Variants in POU4F1 observed in about 807,000 individuals in gnomAD.
POU4F1 encodes POU class 4 homeobox 1, also known as POU domain, class 4, transcription factor 1.
Under a neutral mutation model 19.8 loss-of-function variants are expected in POU4F1, and 5 were observed. The observed-to-expected ratio is 0.25, with a 90% confidence interval of 0.13 to 0.53. POU4F1 has a LOEUF of 0.53. Among genes scored for constraint, POU4F1 ranks in the 20% least tolerant of loss-of-function variants. The pLI, the probability that POU4F1 is intolerant of heterozygous loss-of-function variation, is 0.96. For missense variants in POU4F1, 408 were observed against 511.6 expected (o/e 0.80, Z 1.95); for synonymous variants, 266 against 247.7 (o/e 1.07, Z -0.69).
rs1048159767 is a variant in POU4F1, at chr13:78,599,716, T to G, written c.*1699A>C. 3 of 152,528 alleles carry G rather than the reference T, an allele frequency of 2.0e-5. No homozygotes were observed. The highest frequency in any genetic ancestry group is 7.2e-5 in the African/African-American group (3 of 41,472). 9.4% of individuals were successfully genotyped at this position (152,528 alleles called of 1,614,324 possible). ...GTTTTTTTTCTTTTCTCATTTGTTC[T>G]GTTTTCAATGTTTTAGTTATGATTA... is the stretch of plus-strand genomic sequence containing the variant. On this transcript the variant is annotated 3_prime_UTR_variant, in exon 2 of 2. Coordinates refer to ENST00000377208, the MANE Select transcript of POU4F1 (RefSeq NM_006237.4).
In POU4F1 at chr13:78,598,371, A is replaced by C. The variant is rs1874571217; in HGVS notation, c.*3044T>G. ...TTCTATAAAATAACGGTTTTTTTAC[A>C]AATGCATTTTATTTAAAACTGATGA... On this transcript the variant is annotated 3_prime_UTR_variant, in exon 2 of 2. Coordinates refer to ENST00000377208, the MANE Select transcript of POU4F1 (RefSeq NM_006237.4). The C allele has an allele frequency of 1.3e-5, 2 of 152,186 alleles. No homozygotes were observed. The highest frequency in any genetic ancestry group is 4.1e-4 in the South Asian group (2 of 4,836). 9.4% of individuals were successfully genotyped at this position (152,186 alleles called of 1,614,324 possible). A position where few individuals can be genotyped will look rare whatever the true frequency, so the allele number is the denominator to read the frequency against.
chr13:78,601,305 C>A lies in POU4F1; in HGVS notation c.*110G>T, dbSNP rs1874685617. 2 of 1,501,394 alleles carry A rather than the reference C, an allele frequency of 1.3e-6. No homozygotes were observed. Among genetic ancestry groups the A allele is most frequent in the Admixed American group, 2.1e-5 (1 of 47,508 alleles). The allele number at this position is 1,501,394 out of a possible 1,614,324, so 93.0% of individuals were successfully genotyped here. On this transcript the variant is annotated 3_prime_UTR_variant, in exon 2 of 2. Transcript: ENST00000377208. ...AGAGCGAGAAGGGACTCCCCAAATGCAGGCAGGATAACGGACACTCCAAAT... is the reference window on the plus strand; with the variant it reads ...AGAGCGAGAAGGGACTCCCCAAATGAAGGCAGGATAACGGACACTCCAAAT...
rs1029307974 is a variant in POU4F1 at position 78,601,069 on chromosome 13, T to C, written c.*346A>G. The C allele has an allele frequency of 3.1e-6, 1 of 325,024 alleles. No individual in the cohort carries two copies. The highest frequency in any genetic ancestry group is 5.7e-6 in the Non-Finnish European group (1 of 175,178). 20.1% of individuals were successfully genotyped at this position (325,024 alleles called of 1,614,324 possible). On this transcript the variant is annotated 3_prime_UTR_variant, in exon 2 of 2. Transcript: ENST00000377208. ...TCAGAAACAGTCCATTTTCCTACCC[T>C]TCCCGCGTCTCCCCCCACCCAAACC...
chr13:78,602,655 G>A, intron 1 of POU4F1, 104 bp from the exon 2 acceptor site: 1 of 1,261,276 alleles, frequency 7.9e-7, no homozygotes, highest in African/African-American at 1.6e-5. Context: ...GCATGCGAAG[G>A]GCAAACACAA....
chr13:78,602,902 G>A (rs890078915), intron 1 of POU4F1, among the ~76,000 whole-genome samples: 4 of 152,212 alleles, frequency 2.6e-5, no homozygotes, highest in Non-Finnish European at 5.9e-5. Context: ...TCACACACCC[G>A]AGCACGCACA....
At position 78,600,279 on chromosome 13, in the gene POU4F1, A is replaced by T; in HGVS notation, c.*1136T>A. 1 of 152,176 alleles carries T rather than the reference A, an allele frequency of 6.6e-6. No individual in the cohort carries two copies. The highest frequency in any genetic ancestry group is 1.9e-4 in the East Asian group (1 of 5,192). 9.4% of individuals were successfully genotyped at this position (152,176 alleles called of 1,614,324 possible). ...TTCACCCCATTAGTCTATTTGAATC[A>T]ACAGGAAAAATCAGTAGTTTAAACC... On this transcript the variant is annotated 3_prime_UTR_variant, in exon 2 of 2. Transcript: ENST00000377208.
Position 78,601,108 on chromosome 13 carries a change from G to T in POU4F1, c.*307C>A. The T allele has an allele frequency of 2.5e-6, 1 of 398,142 alleles. No homozygotes were observed. Among genetic ancestry groups the T allele is most frequent in the Non-Finnish European group, 4.6e-6 (1 of 218,798 alleles). The allele number at this position is 398,142 out of a possible 1,614,324, so 24.7% of individuals were successfully genotyped here. A position where few individuals can be genotyped will look rare whatever the true frequency, so the allele number is the denominator to read the frequency against. On this transcript the variant is annotated 3_prime_UTR_variant, in exon 2 of 2. Transcript: ENST00000377208. ...CCCACCCAAACCCCAGAACCATCCT[G>T]CTCCTTAAAACCCCTGCTCGGGTCT...
In POU4F1 at chr13:78,600,741, G is replaced by C. The variant is rs1874657920; in HGVS notation, c.*674C>G. On this transcript the variant is annotated 3_prime_UTR_variant, in exon 2 of 2. Coordinates refer to ENST00000377208, the MANE Select transcript of POU4F1 (RefSeq NM_006237.4). ...GAGGGAAAAATTAAACACGCAGACA[G>C]AACAACTAGCTTTGATACCCAGAAC... The C allele has an allele frequency of 6.5e-6, 1 of 152,798 alleles. No homozygotes were observed. Among genetic ancestry groups the C allele is most frequent in the African/African-American group, 2.4e-5 (1 of 41,448 alleles). 9.5% of individuals were successfully genotyped at this position (152,798 alleles called of 1,614,324 possible).
chr13:78,601,323 C>T lies in POU4F1; in HGVS notation c.*92G>A. ...CCAAATGCAGGCAGGATAACGGACA[C>T]TCCAAATCCGAGGGGAGGCAAGCAG... On this transcript the variant is annotated 3_prime_UTR_variant, in exon 2 of 2. Transcript: ENST00000377208. The T allele has an allele frequency of 6.4e-7, 1 of 1,564,812 alleles. No homozygotes were observed. Among genetic ancestry groups the T allele is most frequent in the Non-Finnish European group, 8.6e-7 (1 of 1,158,894 alleles).
chr13:78,602,061 G>T lies in POU4F1; in HGVS notation c.614C>A (p.Ala205Glu), dbSNP rs1327785720. The change falls in exon 2 of 2, where the codon GCG becomes GAG. Residue 205 changes from alanine to glutamate, a missense_variant. Ala to Glu is a moderately radical substitution (Grantham distance 107). Around this residue, in one of 4 missense-constraint regions of POU4F1, gnomAD observed 294 missense variants for 288.2 expected, o/e 1.02. Coordinates refer to ENST00000377208, the MANE Select transcript of POU4F1 (RefSeq NM_006237.4). ...SLGHLSHPAA[A>E]AAMNMPSGLP... Reference sequence around the variant, plus strand: ...CCCGGACGGCATGTTCATGGCGGCCGCCGCCGCGGGGTGCGACAGGTGGCC... The same window carrying T: ...CCCGGACGGCATGTTCATGGCGGCCTCCGCCGCGGGGTGCGACAGGTGGCC... The T allele has an allele frequency of 2.3e-6, 1 of 429,486 alleles. No homozygotes were observed. The highest frequency in any genetic ancestry group is 3.1e-6 in the Non-Finnish European group (1 of 323,732). The allele number at this position is 429,486 out of a possible 1,614,324, so 26.6% of individuals were successfully genotyped here. A position where few individuals can be genotyped will look rare whatever the true frequency, so the allele number is the denominator to read the frequency against.
Position 78,601,211 on chromosome 13 carries a change from C to A in POU4F1, c.*204G>T. The A allele has an allele frequency of 1.2e-6, 1 of 828,520 alleles. No homozygotes were observed. The allele number at this position is 828,520 out of a possible 1,614,324, so 51.3% of individuals were successfully genotyped here. ...CCTACCCTATACTCCAATCCCCACA[C>A]CCAGCACCCCAGTCCTCAAGGCTAG... On this transcript the variant is annotated 3_prime_UTR_variant, in exon 2 of 2. Coordinates refer to ENST00000377208, the MANE Select transcript of POU4F1 (RefSeq NM_006237.4).
At position 78,603,311 on chromosome 13, in the gene POU4F1, T is replaced by A; in HGVS notation, c.16A>T (p.Ser6Cys). ...TGCATGGCAAAGTGAGGCTGCTTGCTGTTCATGGACATCATCGTGGCGGCT... is the reference window on the plus strand; with the variant it reads ...TGCATGGCAAAGTGAGGCTGCTTGCAGTTCATGGACATCATCGTGGCGGCT... MMSMN[S>C]KQPHFAMHPT... Residue 6 changes from serine (S) to cysteine (C), a missense_variant, in exon 1 of 2, where the codon AGC (serine) becomes TGC (cysteine). This residue lies in a region of POU4F1 where 294 missense variants were observed against 288.2 expected (regional missense o/e 1.02). Coordinates refer to ENST00000377208, the MANE Select transcript of POU4F1 (RefSeq NM_006237.4). 1 of 1,581,038 alleles carries A rather than the reference T, an allele frequency of 6.3e-7. No individual in the cohort carries two copies. The highest frequency in any genetic ancestry group is 8.6e-7 in the Non-Finnish European group (1 of 1,164,530).
At chr13:78,602,689 T>C (rs1874764652) in intron 1 of POU4F1, 138 bp from the exon 2 acceptor site, 1 of 929,340 alleles carries the variant, frequency 1.1e-6, no homozygotes, top group East Asian at 3.8e-5. Flanking sequence ...ACAACGGGTT[T>C]GGGGGCAGTG....
chr13:78,602,598 G>A lies in POU4F1; in HGVS notation c.124-47C>T, dbSNP rs200546833. The A allele has an allele frequency of 1.8e-4, 251 of 1,379,826 alleles. 2 individuals carry two copies. The Admixed American group carries it at 2.1e-3, about 12-fold the overall frequency. 85.5% of individuals were successfully genotyped at this position (1,379,826 alleles called of 1,614,324 possible). A position where few individuals can be genotyped will look rare whatever the true frequency, so the allele number is the denominator to read the frequency against. On this transcript the variant is annotated intron_variant, in intron 1 of 1. Transcript: ENST00000377208. ...CCAAAAAAACCACAAAACCAAAAGA[G>A]CAAAACAAAACAACAGAAGAAACAC... is the stretch of plus-strand genomic sequence containing the variant.
In POU4F1 at chr13:78,603,420, C is replaced by CCGCGGCGGT. The variant is rs1874793600; in HGVS notation, c.-103_-95dup. 1.4e-6 allele frequency: 2 copies of CCGCGGCGGT among 1,422,138 alleles called. No homozygotes were observed. Among genetic ancestry groups the CCGCGGCGGT allele is most frequent in the Non-Finnish European group, 1.8e-6 (2 of 1,084,966 alleles). 88.1% of individuals were successfully genotyped at this position (1,422,138 alleles called of 1,614,324 possible). A position where few individuals can be genotyped will look rare whatever the true frequency, so the allele number is the denominator to read the frequency against. ...CCCGGCCTCCCTTCGGAGGCTGCAG[C>CCGCGGCGGT]CGCGGCGGTCGCGGCGGCTGGCGGC... On this transcript the variant is annotated 5_prime_UTR_variant, in exon 1 of 2. Coordinates refer to ENST00000377208, the MANE Select transcript of POU4F1 (RefSeq NM_006237.4).
chr13:78,598,476 T>C lies in POU4F1; in HGVS notation c.*2939A>G, dbSNP rs1874577453. The C allele has an allele frequency of 6.6e-6, 1 of 152,192 alleles. No individual in the cohort carries two copies. The highest frequency in any genetic ancestry group is 2.1e-4 in the South Asian group (1 of 4,836). 9.4% of individuals were successfully genotyped at this position (152,192 alleles called of 1,614,324 possible). ...GTTTAAAAATACCTCTAGTGCTTTTTTTTTTTAACATTAACAACTGTTTAA... is the reference window on the plus strand; with the variant it reads ...GTTTAAAAATACCTCTAGTGCTTTTCTTTTTTAACATTAACAACTGTTTAA... On this transcript the variant is annotated 3_prime_UTR_variant, in exon 2 of 2. Transcript: ENST00000377208.
chr13:78,603,215 G>T lies in POU4F1; in HGVS notation c.112C>A (p.Pro38Thr). Residue 38 changes from proline to threonine, a missense_variant, in exon 1 of 2, where the codon CCC (proline) becomes ACC (threonine). Physicochemically the swap from Pro to Thr is conservative, Grantham distance 38 (BLOSUM62 -1). Transcript: ENST00000377208. ...CGTGGGGCGCTTACCGGCGGCGTGGGCAGGCAGGCCCGCCGGATGGCCTCG... is the reference window on the plus strand; with the variant it reads ...CGTGGGGCGCTTACCGGCGGCGTGGTCAGGCAGGCCCGCCGGATGGCCTCG... ...SSEAIRRACL[P>T]TPPLQSNLFA... 6.5e-7 allele frequency: 1 copy of T among 1,546,234 alleles called. No individual in the cohort carries two copies. The highest frequency in any genetic ancestry group is 2.6e-5 in the East Asian group (1 of 38,324).
chr13:78,603,332 C>T lies in POU4F1; in HGVS notation c.-6G>A, dbSNP rs202193336. 5.8e-4 allele frequency: 920 copies of T among 1,574,842 alleles called. 9 individuals carry two copies. In the East Asian group the frequency reaches 0.021, roughly 36 times the overall value. On this transcript the variant is annotated 5_prime_UTR_variant, in exon 1 of 2. Coordinates refer to ENST00000377208, the MANE Select transcript of POU4F1 (RefSeq NM_006237.4). Reference sequence around the variant, plus strand: ...TTGCTGTTCATGGACATCATCGTGGCGGCTTGGCATGTATATCCACAAACA... The same window carrying T: ...TTGCTGTTCATGGACATCATCGTGGTGGCTTGGCATGTATATCCACAAACA...
chr13:78,601,076 G>C lies in POU4F1; in HGVS notation c.*339C>G. ...CAGTCCATTTTCCTACCCTTCCCGC[G>C]TCTCCCCCCACCCAAACCCCAGAAC... On this transcript the variant is annotated 3_prime_UTR_variant, in exon 2 of 2. Transcript: ENST00000377208. 1 of 323,838 alleles carries C rather than the reference G, an allele frequency of 3.1e-6. No individual in the cohort carries two copies. Among genetic ancestry groups the C allele is most frequent in the Admixed American group, 4.6e-5 (1 of 21,662 alleles). The allele number at this position is 323,838 out of a possible 1,614,324, so 20.1% of individuals were successfully genotyped here. A position where few individuals can be genotyped will look rare whatever the true frequency, so the allele number is the denominator to read the frequency against.
Sources: allele counts gnomAD v4.1 joint callset (sites outside exome capture counted in the v4.1 genomes callset), GRCh38; gene constraint gnomAD v4.1.1; regional missense constraint gnomAD v4.1.1; transcripts MANE v1.5; gene names NCBI Gene and HGNC (gene_info 2026-07-23, HGNC 2026-07-21).